The following SMIM13 variants were observed in gnomAD, a reference collection of about 807,000 sequenced individuals.
SMIM13 encodes the protein UPF0766 protein C6orf228.
In SMIM13, 3 loss-of-function variants were observed where a neutral mutation model predicts 5.9. The ratio of observed to expected loss-of-function variants is 0.51; its 90% CI spans 0.23 to 1.31. The LOEUF is 1.31. Among genes scored for constraint, SMIM13 ranks in the 40% most tolerant of loss-of-function variants. The pLI is 0.18. For synonymous variants in SMIM13, 55 were observed against 46.0 expected (o/e 1.19, Z -0.79); for missense variants, 85 against 109.9 (o/e 0.77, Z 1.01).
intron 1 of SMIM13, among the ~76,000 whole-genome samples, chr6:11,117,165 A>ATTT (rs34579750): frequency 1.4e-5 from 1 of 69,030 alleles, no homozygotes; most frequent in African/African-American, 5.4e-5. Flanking sequence ...TAATTTTTGT[A>ATTT]TTTTTTTTTT....
Position 11,134,485 on chromosome 6 carries a change from A to T in SMIM13, c.159A>T (p.Gly53=). 2 of 1,551,274 alleles carry T rather than the reference A, an allele frequency of 1.3e-6. No homozygotes were observed. Among genetic ancestry groups the T allele is most frequent in the Non-Finnish European group, 1.7e-6 (2 of 1,146,712 alleles). The change falls in exon 2 of 2, where the codon GGA becomes GGT. Residue 53 remains glycine (G), a synonymous_variant. Transcript: ENST00000416247. ...ELVGDTGSQE[G]DHEPSGSETE... ...TGGGAGACACAGGATCCCAAGAGGG[A>T]GATCATGAGCCTTCAGGGTCTGAAA... is the stretch of plus-strand genomic sequence containing the variant.
At chr6:11,129,738 A>G (rs1758427314) in intron 1 of SMIM13, among the ~76,000 whole-genome samples, 1 of 152,004 alleles carries the variant, frequency 6.6e-6, no homozygotes, top group Non-Finnish European at 1.5e-5. Context: ...GCTTTTTGGT[A>G]TATTTTTAAT....
chr6:11,109,190 T>TG (rs1473271839), intron 1 of SMIM13, among the ~76,000 whole-genome samples: 6 of 152,230 alleles, frequency 3.9e-5, no homozygotes, highest in Admixed American at 2.6e-4. Context: ...CTAGTATGAC[T>TG]GAGAGGTCCC....
At chr6:11,114,481 C>T (rs985189406) in intron 1 of SMIM13, among the ~76,000 whole-genome samples, 2 of 150,384 alleles carry the variant, frequency 1.3e-5, no homozygotes, top group African/African-American at 2.4e-5. Flanking sequence ...AGAAAACTTC[C>T]CCTCTGTTTC....
At chr6:11,123,600 A>G (rs1289143873) in intron 1 of SMIM13, among the ~76,000 whole-genome samples, 2 of 152,152 alleles carry the variant, frequency 1.3e-5, no homozygotes, top group Non-Finnish European at 2.9e-5. Context: ...CTGAATAACA[A>G]TTTGGCCATT....
intron 1 of SMIM13, among the ~76,000 whole-genome samples, chr6:11,132,415 C>T (rs943257966): frequency 4.6e-5 from 7 of 152,000 alleles, no homozygotes; most frequent in Non-Finnish European, 5.9e-5. Context: ...TAGATACACC[C>T]GAGATAAATG....
At chr6:11,117,266 C>A (rs1451815856) in intron 1 of SMIM13, among the ~76,000 whole-genome samples, 5 of 146,964 alleles carry the variant, frequency 3.4e-5, no homozygotes, top group African/African-American at 1.2e-4. Context: ...CGGGTTCACG[C>A]CATTCTCCTG....
chr6:11,134,278 A>G, intron 1 of SMIM13, 125 bp from the exon 2 acceptor site: 2 of 607,070 alleles, frequency 3.3e-6, no homozygotes, highest in South Asian at 5.2e-5. Context: ...TTATATCATT[A>G]TATATTTGTA....
chr6:11,097,803 G>A (rs1757944657), intron 1 of SMIM13, among the ~76,000 whole-genome samples: 1 of 152,146 alleles, frequency 6.6e-6, no homozygotes, highest in Admixed American at 6.5e-5. Flanking sequence ...TGAAAGCTAG[G>A]GAGTAGCTGT....
At chr6:11,095,487 G>A (rs931582782) in intron 1 of SMIM13, among the ~76,000 whole-genome samples, 6 of 152,142 alleles carry the variant, frequency 3.9e-5, no homozygotes, top group African/African-American at 1.4e-4. Context: ...CTGTAGCCGG[G>A]ATTACAGGTG....
At chr6:11,108,817 G>A (rs1268603697) in intron 1 of SMIM13, among the ~76,000 whole-genome samples, 1 of 152,198 alleles carries the variant, frequency 6.6e-6, no homozygotes, top group Non-Finnish European at 1.5e-5. Flanking sequence ...TTAGGGAAAT[G>A]ATCCTTTATG....
intron 1 of SMIM13, among the ~76,000 whole-genome samples, chr6:11,097,672 A>G (rs1417340798): frequency 6.6e-6 from 1 of 152,114 alleles, no homozygotes; most frequent in African/African-American, 2.4e-5. Flanking sequence ...CCGTTTCAAA[A>G]AAAAAAAAAA....
rs556747259 is a variant in SMIM13 at position 11,103,214 on chromosome 6, A to G, written c.76+8825A>G. On this transcript the variant is annotated intron_variant, in intron 1 of 1. Transcript: ENST00000416247. ...GCCACTATTTTGCCTCTTAGGGTGC[A>G]TGCTTGAGCCTGCGCACCCAACTCC... 19 of 159,140 alleles carry G rather than the reference A, an allele frequency of 1.2e-4. No homozygotes were observed. The South Asian group carries it at 1.7e-3, about 14-fold the overall frequency. 9.9% of individuals were successfully genotyped at this position (159,140 alleles called of 1,614,324 possible).
chr6:11,111,685 A>G (rs1461023573), intron 1 of SMIM13: 3 of 152,250 alleles, frequency 2.0e-5, no homozygotes, highest in Non-Finnish European at 2.9e-5. Context: ...ACCACTAGGG[A>G]AGGTATCCGA....
rs1758509188 is a variant in SMIM13, at chr6:11,135,662, A to T, written c.*1060A>T. The T allele has an allele frequency of 6.6e-6, 1 of 152,652 alleles. No homozygotes were observed. The highest frequency in any genetic ancestry group is 6.5e-5 in the Admixed American group (1 of 15,286). 9.5% of individuals were successfully genotyped at this position (152,652 alleles called of 1,614,324 possible). ...ATCAATGACTGTGGTTTGAAAAGTG[A>T]TTCAGAAGAGTTGGATTCAGAATAT... On this transcript the variant is annotated 3_prime_UTR_variant, in exon 2 of 2. Coordinates refer to ENST00000416247, the MANE Select transcript of SMIM13 (RefSeq NM_001135575.2).
At chr6:11,129,080 G>A (rs1050955304) in intron 1 of SMIM13, among the ~76,000 whole-genome samples, 7 of 104,788 alleles carry the variant, frequency 6.7e-5, no homozygotes, top group Non-Finnish European at 9.4e-5. Flanking sequence ...ACCGGGAGCG[G>A]GGGGGGGATG....
intron 1 of SMIM13, among the ~76,000 whole-genome samples, chr6:11,118,856 C>G (rs1200650481): frequency 1.3e-5 from 2 of 152,144 alleles, no homozygotes; most frequent in African/African-American, 4.8e-5. Flanking sequence ...ACCACATACC[C>G]TTTGAGAATG....
chr6:11,105,032 A>G, intron 1 of SMIM13: 1 of 1,614,188 alleles, frequency 6.2e-7, no homozygotes, highest in Non-Finnish European at 8.5e-7. Flanking sequence ...TTACTGTTGA[A>G]AGAAGACTAT....
chr6:11,096,432 C>G (rs1019536724), intron 1 of SMIM13, among the ~76,000 whole-genome samples: 1 of 152,184 alleles, frequency 6.6e-6, no homozygotes, highest in Non-Finnish European at 1.5e-5. Context: ...TGCTAGGACA[C>G]CTTAGTTTTT....
Sources: allele counts gnomAD v4.1 joint callset (sites outside exome capture counted in the v4.1 genomes callset), GRCh38; gene constraint gnomAD v4.1.1; transcripts MANE v1.5; gene names NCBI Gene and HGNC (gene_info 2026-07-23, HGNC 2026-07-21).